SLC47A2: variants seen among roughly 807,000 people sequenced by gnomAD.
SLC47A2 encodes solute carrier family 47 member 2.
Under a neutral mutation model 67.7 loss-of-function variants are expected in SLC47A2, and 52 were observed. That is an observed-to-expected ratio of 0.77 (90% confidence interval 0.61 to 0.97). SLC47A2 has a LOEUF of 0.97. SLC47A2 is among the 50% of genes least tolerant of loss of function. The pLI, the probability that SLC47A2 is intolerant of heterozygous loss-of-function variation, is 0.00. For missense variants in SLC47A2, 676 were observed against 712.3 expected, an observed-to-expected ratio of 0.95 and a Z score of 0.58; for synonymous variants, 278 against 292.9, an observed-to-expected ratio of 0.95 and a Z score of 0.52.
At chr17:19,691,823 G>A (rs1340518401) in intron 13 of SLC47A2, among the ~76,000 whole-genome samples, 4 of 152,206 alleles carry the variant, frequency 2.6e-5, no homozygotes, top group Admixed American at 6.5e-5. Context: ...ATTAGGCATT[G>A]CATGCCTTAT....
rs547952888 is a variant in SLC47A2, at chr17:19,715,060, C to T, written c.225+56G>A. The T allele has an allele frequency of 4.0e-4, 633 of 1,567,320 alleles. 11 individuals are homozygous for T. In the South Asian group the frequency reaches 6.5e-3, roughly 16 times the overall value. ...CCCAAGACGGGCCCACCCGGGAACC[C>T]GGTGGAGAAGCCTGGGGAGAGAACG... On this transcript the variant is annotated intron_variant, in intron 2 of 16. Coordinates refer to ENST00000433844, the MANE Select transcript of SLC47A2 (RefSeq NM_001099646.3).
chr17:19,715,537 G>A (rs112897586), intron 1 of SLC47A2, among the ~76,000 whole-genome samples: 3,578 of 152,136 alleles, frequency 0.024, 144 homozygotes, highest in African/African-American at 0.081. Flanking sequence ...TGGTCAGGCC[G>A]CACACCCCCA....
chr17:19,681,011 A>C (rs1394987635), intron 15 of SLC47A2, among the ~76,000 whole-genome samples: 1 of 152,098 alleles, frequency 6.6e-6, no homozygotes, highest in East Asian at 1.9e-4. Flanking sequence ...CAGGAGATCG[A>C]GACCATCCTG....
At chr17:19,704,511 C>G in intron 10 of SLC47A2, 1 of 853,946 alleles carries the variant, frequency 1.2e-6, no homozygotes, top group Admixed American at 3.0e-5. Context: ...GGTCTTAGTC[C>G]CAGAAAAGCT....
At chr17:19,680,832 G>A (rs1351478657) in intron 15 of SLC47A2, among the ~76,000 whole-genome samples, 2 of 152,070 alleles carry the variant, frequency 1.3e-5, no homozygotes, top group Non-Finnish European at 2.9e-5. Context: ...GAAGGTTTTT[G>A]GTTTTGTTTC....
intron 13 of SLC47A2, among the ~76,000 whole-genome samples, chr17:19,687,570 T>C (rs1315345969): frequency 1.3e-5 from 2 of 152,042 alleles, no homozygotes; most frequent in African/African-American, 4.8e-5. Flanking sequence ...GAAAAGTTGT[T>C]TTTTTGAAAA....
intron 7 of SLC47A2, 44 bp from the exon 8 acceptor site, chr17:19,707,887 C>T: frequency 1.3e-6 from 2 of 1,524,028 alleles, no homozygotes; most frequent in Non-Finnish European, 1.8e-6. Flanking sequence ...TGCCAACTCT[C>T]TGCCACCGCC....
rs113195318 is a variant in SLC47A2, at chr17:19,678,791, T to C, written c.1596A>G (p.Arg532=). The change falls in exon 17 of 17, where the codon AGA becomes AGG. Residue 532 remains arginine (R), a synonymous_variant. Coordinates refer to ENST00000433844, the MANE Select transcript of SLC47A2 (RefSeq NM_001099646.3). The part of the protein sequence containing the change: ...EAHALSAPTS[R]LSVKQLVIRR... ...GGATGACCAGCTGTTTCACTGATAG[T>C]CTGCTGGTAGGAGCTGAAAGGGCGT... is the stretch of plus-strand genomic sequence containing the variant. The C allele has an allele frequency of 5.0e-6, 8 of 1,614,236 alleles. No homozygotes were observed. The highest frequency in any genetic ancestry group is 6.8e-6 in the Non-Finnish European group (8 of 1,180,040).
At chr17:19,704,507 A>G in intron 10 of SLC47A2, 1 of 799,796 alleles carries the variant, frequency 1.3e-6, no homozygotes, top group Admixed American at 3.0e-5. Context: ...CTGTGGTCTT[A>G]GTCCCAGAAA....
intron 10 of SLC47A2, 51 bp from the exon 11 acceptor site, chr17:19,704,229 T>C (rs745465928): frequency 9.4e-6 from 14 of 1,493,396 alleles, no homozygotes; most frequent in Non-Finnish European, 1.3e-5. Flanking sequence ...CTCCAACCCC[T>C]GAAGTCCTGA....
At position 19,678,943 on chromosome 17, in the gene SLC47A2, G is replaced by T. The variant is rs377307473; in HGVS notation, c.1481-37C>A. On this transcript the variant is annotated intron_variant, in intron 16 of 16. Transcript: ENST00000433844. ...AACAGGAGCAAACTCAGCAGGTCAG[G>T]GGTCAGAGGGAGAGCTTTGGCCTTG... is the stretch of plus-strand genomic sequence containing the variant. The T allele has an allele frequency of 9.8e-6, 15 of 1,536,222 alleles. No homozygotes were observed. In the African/African-American group the frequency reaches 2.1e-4, roughly 21 times the overall value.
At chr17:19,687,572 T>C (rs2085455058) in intron 13 of SLC47A2, among the ~76,000 whole-genome samples, 1 of 152,016 alleles carries the variant, frequency 6.6e-6, no homozygotes. Flanking sequence ...AAAGTTGTTT[T>C]TTTGAAAAAA....
intron 13 of SLC47A2, 184 bp downstream of exon 13, chr17:19,702,421 G>C (rs777555471): frequency 3.0e-4 from 300 of 985,312 alleles, no homozygotes; most frequent in Non-Finnish European, 3.5e-4. Context: ...CAGAAGAAGA[G>C]GGAAGTCACT....
At chr17:19,684,766 C>T (rs2085386023) in intron 13 of SLC47A2, among the ~76,000 whole-genome samples, 1 of 151,438 alleles carries the variant, frequency 6.6e-6, no homozygotes, top group African/African-American at 2.4e-5. Flanking sequence ...TTGAAATAAA[C>T]AGCAGAAGAC....
At chr17:19,708,566 G>A (rs749110245) in intron 6 of SLC47A2, 150 bp downstream of exon 6, 2 of 1,606,808 alleles carry the variant, frequency 1.2e-6, no homozygotes, top group East Asian at 4.5e-5. Context: ...CTGTGCGGGA[G>A]GTCAGGATAT....
At chr17:19,702,306 T>C in intron 13 of SLC47A2, 1 of 985,302 alleles carries the variant, frequency 1.0e-6, no homozygotes, top group Non-Finnish European at 1.2e-6. Context: ...AATGTCATGG[T>C]CCCAGCTCAT....
intron 5 of SLC47A2, among the ~76,000 whole-genome samples, chr17:19,711,331 C>T (rs1466026965): frequency 6.6e-6 from 1 of 151,292 alleles, no homozygotes; most frequent in Non-Finnish European, 1.5e-5. Context: ...GTGGCTCACG[C>T]CTGTAATCCC....
chr17:19,701,349 G>A (rs2085782358), intron 13 of SLC47A2, among the ~76,000 whole-genome samples: 1 of 152,080 alleles, frequency 6.6e-6, no homozygotes, highest in Non-Finnish European at 1.5e-5. Context: ...TGAATGCCCG[G>A]CTATATTCAA....
chr17:19,681,735 C>T (rs2085320892), intron 13 of SLC47A2, 65 bp from the exon 14 acceptor site: 37 of 1,560,326 alleles, frequency 2.4e-5, no homozygotes, highest in Non-Finnish European at 3.0e-5. Context: ...TGTCATGCAG[C>T]AGGCACTGTG....
Sources: allele counts gnomAD v4.1 joint callset (sites outside exome capture counted in the v4.1 genomes callset), GRCh38; gene constraint gnomAD v4.1.1; transcripts MANE v1.5; gene names NCBI Gene and HGNC (gene_info 2026-07-23, HGNC 2026-07-21).